CDH23: variants seen among roughly 807,000 people sequenced by gnomAD.
The protein encoded by CDH23 is cadherin-23.
CDH23 carries 189 observed loss-of-function variants against 317.1 expected under a neutral mutation model. That is an observed-to-expected ratio of 0.60 (90% CI 0.53 to 0.67). CDH23 has a LOEUF of 0.67. Among genes scored for constraint, CDH23 ranks in the 30% least tolerant of loss-of-function variants. CDH23 has a pLI of 0.00. For synonymous variants in CDH23, 1,839 were observed against 1,876.8 expected, an observed-to-expected ratio of 0.98 and a Z score of 0.52; for missense variants, 4,401 against 4,592.4, an observed-to-expected ratio of 0.96 and a Z score of 1.20.
At chr10:71,758,599 T>C (rs555773996) in intron 38 of CDH23, among the ~76,000 whole-genome samples, 1 of 152,340 alleles carries the variant, frequency 6.6e-6, no homozygotes, top group South Asian at 2.1e-4. Context: ...TATGCAGAGC[T>C]AAGCAGGCCT....
chr10:71,799,360 G>A, intron 51 of CDH23, 80 bp downstream of exon 51: 1 of 1,607,344 alleles, frequency 6.2e-7, no homozygotes. Flanking sequence ...CTCCCACCCT[G>A]CCAGCCTCTA....
At chr10:71,571,512 G>A (rs1275983588) in intron 8 of CDH23, among the ~76,000 whole-genome samples, 1 of 152,126 alleles carries the variant, frequency 6.6e-6, no homozygotes, top group Non-Finnish European at 1.5e-5. Flanking sequence ...CCTGTAGATC[G>A]GCTACCCATG....
chr10:71,513,017 T>C (rs1854080759), intron 6 of CDH23, among the ~76,000 whole-genome samples: 1 of 152,192 alleles, frequency 6.6e-6, no homozygotes, highest in Admixed American at 6.5e-5. Context: ...CTCTGTGCCA[T>C]GGCCCTCCTT....
intron 1 of CDH23, among the ~76,000 whole-genome samples, chr10:71,419,589 C>A (rs1848662554): frequency 6.6e-6 from 1 of 152,160 alleles, no homozygotes; most frequent in African/African-American, 2.4e-5. Flanking sequence ...GCAGAAAGGT[C>A]AAAAGACTTG....
rs145772111 is a variant in CDH23, at chr10:71,731,667, G to A, written c.3716-320G>A. ...CAAGAGATCCTTCATTTCCCCCAAT[G>A]CTTGTATGTCCAGATATCAAAGGGA... On this transcript the variant is annotated intron_variant, in intron 31 of 69. Transcript: ENST00000224721. Among the ~76,000 whole-genome samples the A allele has an allele frequency of 1.3e-3, 197 of 152,284 alleles. 2 individuals are homozygous for A. In the Middle Eastern group the frequency reaches 0.024, roughly 18 times the overall value.
rs1177901263 is a variant in CDH23 at position 71,815,060 on chromosome 10, C to T, written c.9847C>T (p.His3283Tyr). ...PVELKGPDGI[H>Y]VVHGSTGTLL... The stretch of plus-strand genomic sequence containing the variant: ...GGAGCTCAAGGGGCCCGATGGGATC[C>T]ATGTGGTGCACGGCAGCACGGGCAC... Residue 3283 changes from histidine (H) to tyrosine (Y), a missense_variant, in exon 70 of 70, where the codon CAT becomes TAT. Coordinates refer to ENST00000224721, the MANE Select transcript of CDH23 (RefSeq NM_022124.6). 1.9e-6 allele frequency: 3 copies of T among 1,612,266 alleles called. No individual in the cohort carries two copies. Among genetic ancestry groups the T allele is most frequent in the South Asian group, 2.2e-5 (2 of 90,852 alleles).
chr10:71,535,650 C>T (rs1457064496), intron 6 of CDH23, among the ~76,000 whole-genome samples: 1 of 152,230 alleles, frequency 6.6e-6, no homozygotes, highest in African/African-American at 2.4e-5. Flanking sequence ...GTAGCCAGTT[C>T]TGAGTGTTCC....
At chr10:71,550,564 A>G (rs1443667330) in intron 6 of CDH23, among the ~76,000 whole-genome samples, 3 of 110,900 alleles carry the variant, frequency 2.7e-5, no homozygotes, top group Non-Finnish European at 3.8e-5. Flanking sequence ...TGTCTCAAAA[A>G]AAAAAAAAAA....
At chr10:71,542,138 C>T (rs772213124) in intron 6 of CDH23, among the ~76,000 whole-genome samples, 1 of 152,176 alleles carries the variant, frequency 6.6e-6, no homozygotes, top group African/African-American at 2.4e-5. Flanking sequence ...ATCTAGGGAT[C>T]GCTCAGTGTG....
rs1282018806 is a variant in CDH23, at chr10:71,778,291, C to T, written c.5170C>T (p.Leu1724Phe). 2 of 1,613,978 alleles carry T rather than the reference C, an allele frequency of 1.2e-6. No homozygotes were observed. Among genetic ancestry groups the T allele is most frequent in the East Asian group, 2.2e-5 (1 of 44,878 alleles). Residue 1724 changes from leucine (L) to phenylalanine (F), a missense_variant, in exon 40 of 70, where the codon CTC becomes TTC. Leu to Phe is a conservative substitution (Grantham distance 22, BLOSUM62 0). Coordinates refer to ENST00000224721, the MANE Select transcript of CDH23 (RefSeq NM_022124.6). ...CCAGTGCCCCATCTTATCCCACCGC[C>T]TCACCTCTACCACCACGGTGGGTGC... ...TDQCPILSHR[L>F]TSTTTVLVNV... is the part of the protein sequence containing the mutation.
At chr10:71,456,655 T>TG (rs978127673) in intron 3 of CDH23, among the ~76,000 whole-genome samples, 1 of 152,186 alleles carries the variant, frequency 6.6e-6, no homozygotes, top group Non-Finnish European at 1.5e-5. Context: ...CAGCCTGTGC[T>TG]GGGGGGTGGG....
rs760761819 is a variant in CDH23 at position 71,725,381 on chromosome 10, G to A, written c.3440G>A (p.Gly1147Asp). The A allele has an allele frequency of 1.9e-6, 3 of 1,613,982 alleles. No individual in the cohort carries two copies. The highest frequency in any genetic ancestry group is 4.5e-5 in the East Asian group (2 of 44,886). ...CTGTCCCTCCACACAGGTAACCATG[G>A]CAACAACTTCCGGATCCATGTCAGC... The part of the protein sequence containing the change: ...VWYRILHGNH[G>D]NNFRIHVSNG... The change falls in exon 30 of 70, where the codon GGC (glycine) becomes GAC (aspartate). Residue 1147 changes from glycine (G) to aspartate (D), a missense_variant. Physicochemically the swap from Gly to Asp is moderately conservative, Grantham distance 94. Transcript: ENST00000224721.
At chr10:71,784,773 C>T in intron 42 of CDH23, 118 bp from the exon 43 acceptor site, 1 of 754,908 alleles carries the variant, frequency 1.3e-6, no homozygotes, top group East Asian at 2.6e-5. Context: ...CTTTCTTCTC[C>T]ATGACCAACT....
Position 71,677,559 on chromosome 10 carries a change from G to A in CDH23, c.1618G>A (p.Gly540Ser), listed in dbSNP as rs371116044. The A allele has an allele frequency of 3.7e-5, 59 of 1,611,394 alleles. No homozygotes were observed. The highest frequency in any genetic ancestry group is 4.0e-5 in the African/African-American group (3 of 74,848). ...GACGATCATTGCCCGGGACGGGGGC[G>A]GCGAGGAGACCACAGGCCGGGTCAG... ...TLTIIARDGG[G>S]EETTGRVRIN... is the part of the protein sequence containing the mutation. The change falls in exon 16 of 70, where the codon GGC becomes AGC. Residue 540 changes from glycine (G) to serine (S), a missense_variant. Gly to Ser is a moderately conservative substitution (Grantham distance 56). Around this residue, in one of 3 missense-constraint regions of CDH23, gnomAD observed 3,068 missense variants for 3,203.3 expected, o/e 0.96. Transcript: ENST00000224721.
At position 71,807,676 on chromosome 10, in the gene CDH23, G is replaced by T. The variant is rs1343455916; in HGVS notation, c.8469G>T (p.Leu2823=). 1.2e-6 allele frequency: 2 copies of T among 1,613,864 alleles called. No individual in the cohort carries two copies. The highest frequency in any genetic ancestry group is 1.7e-6 in the Non-Finnish European group (2 of 1,179,822). ...GTGGACCCTCCCCAACCCTCGACCT[G>T]GTTGCTGACCTCACACTGCAGGAGG... The part of the protein sequence containing the change: ...PPRGPSPTLD[L]VADLTLQEVR... The change falls in exon 59 of 70, where the codon CTG becomes CTT. Residue 2823 remains leucine (L), a synonymous_variant. Transcript: ENST00000224721.
chr10:71,440,010 C>CAGTAAGACAG, intron 2 of CDH23, 112 bp downstream of exon 2: 2 of 821,432 alleles, frequency 2.4e-6, no homozygotes, highest in Non-Finnish European at 4.0e-6. Flanking sequence ...TCTGGAGACA[C>CAGTAAGACAG]TGTCTTACTG....
intron 1 of CDH23, among the ~76,000 whole-genome samples, chr10:71,424,730 G>A (rs771400089): frequency 1.2e-4 from 19 of 152,230 alleles, no homozygotes; most frequent in Non-Finnish European, 2.1e-4. Context: ...CAGGCTCTGG[G>A]CAGGCTGGGG....
At chr10:71,460,924 C>T (rs1850948295) in intron 3 of CDH23, among the ~76,000 whole-genome samples, 1 of 152,204 alleles carries the variant, frequency 6.6e-6, no homozygotes, top group Admixed American at 6.5e-5. Context: ...CCTGTCTCCC[C>T]GACGAGTAGC....
At chr10:71,519,952 C>T (rs903189599) in intron 6 of CDH23, among the ~76,000 whole-genome samples, 7 of 152,092 alleles carry the variant, frequency 4.6e-5, no homozygotes, top group African/African-American at 1.7e-4. Flanking sequence ...ACATGCCTAG[C>T]TAATTTTTGT....
Sources: gnomAD v4.1 joint callset for allele counts (sites outside exome capture counted in the v4.1 genomes callset) on GRCh38, gnomAD v4.1.1 for gene constraint, gnomAD v4.1.1 regional missense constraint, MANE v1.5 for transcripts, NCBI Gene and HGNC (gene_info 2026-07-23, HGNC 2026-07-21) for gene names.